The following CCDC43 variants were observed in gnomAD, a reference collection of about 807,000 sequenced individuals.
The protein encoded by CCDC43 is coiled-coil domain containing 43.
Under a neutral mutation model 33.3 loss-of-function variants are expected in CCDC43, and 20 were observed. The ratio of observed to expected loss-of-function variants is 0.60; its 90% CI spans 0.42 to 0.87. The LOEUF is 0.87. CCDC43 is among the 40% of genes least tolerant of loss of function. The pLI is 0.00. For synonymous variants in CCDC43, 104 were observed against 106.5 expected (o/e 0.98, Z 0.14); for missense variants, 248 against 269.9 (o/e 0.92, Z 0.57).
chr17:44,679,682 A>G (rs1363366386), intron 4 of CCDC43, among the ~76,000 whole-genome samples: 1 of 152,152 alleles, frequency 6.6e-6, no homozygotes, highest in East Asian at 1.9e-4. Context: ...TCATGAGGTC[A>G]GGAGATCGAG....
intron 3 of CCDC43, chr17:44,681,601 C>T (rs1018941380): frequency 3.2e-5 from 5 of 155,386 alleles, no homozygotes; most frequent in Non-Finnish European, 7.1e-5. Context: ...CCTCTGATCA[C>T]CCATTCATCT....
At chr17:44,685,067 T>G (rs1972214429) in intron 1 of CCDC43, among the ~76,000 whole-genome samples, 1 of 152,244 alleles carries the variant, frequency 6.6e-6, no homozygotes, top group South Asian at 2.1e-4. Context: ...ATTACAGGCC[T>G]GGGCCACCAC....
intron 1 of CCDC43, among the ~76,000 whole-genome samples, chr17:44,685,409 A>C (rs1387146281): frequency 6.6e-6 from 1 of 152,214 alleles, no homozygotes; most frequent in Non-Finnish European, 1.5e-5. Flanking sequence ...ATTTTAGAGA[A>C]GCATACATAT....
At chr17:44,680,912 A>T (rs2144688345) in intron 3 of CCDC43, among the ~76,000 whole-genome samples, 1 of 152,324 alleles carries the variant, frequency 6.6e-6, no homozygotes, top group African/African-American at 2.4e-5. Flanking sequence ...GATGACCTTT[A>T]AACAGTGGTT....
At chr17:44,683,195 T>C (rs1972187378) in intron 2 of CCDC43, among the ~76,000 whole-genome samples, 1 of 152,176 alleles carries the variant, frequency 6.6e-6, no homozygotes, top group African/African-American at 2.4e-5. Context: ...AGTGTTTAGC[T>C]GAATAAAGCC....
intron 1 of CCDC43, 136 bp downstream of exon 1, chr17:44,689,414 G>A (rs946879669): frequency 1.0e-5 from 13 of 1,305,554 alleles, no homozygotes; most frequent in African/African-American, 1.5e-5. Flanking sequence ...CCGCCGCCCA[G>A]ATATCAGAGG....
At chr17:44,689,452 G>A in intron 1 of CCDC43, 98 bp downstream of exon 1, 1 of 1,526,744 alleles carries the variant, frequency 6.5e-7, no homozygotes, top group Non-Finnish European at 8.9e-7. Flanking sequence ...TGAGACCACT[G>A]AGCCTCTGGG....
chr17:44,684,000 C>G, intron 1 of CCDC43, 41 bp from the exon 2 acceptor site: 1 of 1,335,010 alleles, frequency 7.5e-7, no homozygotes, highest in Non-Finnish European at 1.1e-6. Flanking sequence ...TGAGGGAGCC[C>G]TCAAAAACAA....
At chr17:44,682,224 T>C in intron 2 of CCDC43, 86 bp from the exon 3 acceptor site, 1 of 1,517,038 alleles carries the variant, frequency 6.6e-7, no homozygotes. Context: ...GCACTTGTAC[T>C]GAAGACATTG....
rs923605993 is a variant in CCDC43, at chr17:44,680,678, A to G, written c.429-35T>C. On this transcript the variant is annotated intron_variant, in intron 3 of 4. Coordinates refer to ENST00000315286, the MANE Select transcript of CCDC43 (RefSeq NM_144609.3). ...GTTAAGGAAAGTCAGATGGAAAACA[A>G]CATCCCAACCTAACATTAGAAAACA... The G allele has an allele frequency of 2.8e-5, 43 of 1,537,670 alleles. No individual in the cohort carries two copies. The African/African-American group carries it at 4.2e-4, about 15-fold the overall frequency.
intron 1 of CCDC43, 124 bp downstream of exon 1, chr17:44,689,426 G>A (rs1318240400): frequency 6.4e-6 from 9 of 1,402,618 alleles, no homozygotes; most frequent in Admixed American, 2.3e-5. Flanking sequence ...TATCAGAGGA[G>A]TATACCTCTC....
chr17:44,683,701 G>A (rs145830202), intron 2 of CCDC43, among the ~76,000 whole-genome samples, 171 bp downstream of exon 2: 129 of 152,222 alleles, frequency 8.5e-4, no homozygotes, highest in African/African-American at 2.8e-3. Context: ...AAAAGAAAAG[G>A]AAGCCAATGT....
rs1972144825 is a variant in CCDC43, at chr17:44,680,626, T to C, written c.446A>G (p.Asp149Gly). 2.5e-6 allele frequency: 4 copies of C among 1,609,066 alleles called. No individual in the cohort carries two copies. The highest frequency in any genetic ancestry group is 3.4e-6 in the Non-Finnish European group (4 of 1,175,838). ...TDEEDEADEK[D>G]DSGATTMNIG... Reference sequence around the variant, plus strand: ...GTTCATTGTGGTAGCACCTGAATCATCCTTCTCATCTGCTTCAGTAAGTGA... The same window carrying C: ...GTTCATTGTGGTAGCACCTGAATCACCCTTCTCATCTGCTTCAGTAAGTGA... The change falls in exon 4 of 5, where the codon GAT (aspartate) becomes GGT (glycine). Residue 149 changes from aspartate (D) to glycine (G), a missense_variant. Coordinates refer to ENST00000315286, the MANE Select transcript of CCDC43 (RefSeq NM_144609.3).
In CCDC43 at chr17:44,678,757, T is replaced by C; in HGVS notation, c.*99A>G. ...CCATGTAAACAATAGGGGAAATGCC[T>C]TGGGAAACTACTTTGCAATGCACTC... On this transcript the variant is annotated 3_prime_UTR_variant, in exon 5 of 5. Coordinates refer to ENST00000315286, the MANE Select transcript of CCDC43 (RefSeq NM_144609.3). 1 of 1,226,234 alleles carries C rather than the reference T, an allele frequency of 8.2e-7. No homozygotes were observed. The highest frequency in any genetic ancestry group is 1.1e-6 in the Non-Finnish European group (1 of 892,380). 76.0% of individuals were successfully genotyped at this position (1,226,234 alleles called of 1,614,324 possible).
At chr17:44,679,106 T>C in intron 4 of CCDC43, 63 bp from the exon 5 acceptor site, 1 of 1,318,846 alleles carries the variant, frequency 7.6e-7, no homozygotes, top group Admixed American at 2.0e-5. Flanking sequence ...CTGCCTTTCC[T>C]CATTCTACTT....
chr17:44,689,516 C>T, intron 1 of CCDC43, 34 bp downstream of exon 1: 2 of 1,613,304 alleles, frequency 1.2e-6, no homozygotes, highest in South Asian at 1.1e-5. Flanking sequence ...CAGATGCTGG[C>T]CAGAGGCTGA....
rs1972197661 is a variant in CCDC43, at chr17:44,683,925, A to G, written c.239T>C (p.Ile80Thr). The G allele has an allele frequency of 6.2e-7, 1 of 1,613,250 alleles. No individual in the cohort carries two copies. The highest frequency in any genetic ancestry group is 8.5e-7 in the Non-Finnish European group (1 of 1,179,318). ...CTGAGTTTCTGACCATCGTTCCACA[A>G]TCTCCTTGCAGATATTAAGGAGGGA... Reference protein sequence around the residue: ...EDSLLNICKEIVERWSETQNV... With the variant: ...EDSLLNICKETVERWSETQNV... Residue 80 changes from isoleucine (I) to threonine (T), a missense_variant, in exon 2 of 5, where the codon ATT (isoleucine) becomes ACT (threonine). Physicochemically the swap from Ile to Thr is moderately conservative, Grantham distance 89. Transcript: ENST00000315286.
chr17:44,677,807 C>T lies in CCDC43; in HGVS notation c.*1049G>A, dbSNP rs963785255. On this transcript the variant is annotated 3_prime_UTR_variant, in exon 5 of 5. Transcript: ENST00000315286. ...GCCAACCCCTGGTATAAAATATCTACTTTGTCTTGTCAGAGAAATTGCTGT... is the reference window on the plus strand; with the variant it reads ...GCCAACCCCTGGTATAAAATATCTATTTTGTCTTGTCAGAGAAATTGCTGT... 1 of 152,210 alleles carries T rather than the reference C, an allele frequency of 6.6e-6. No individual in the cohort carries two copies. The highest frequency in any genetic ancestry group is 2.4e-5 in the African/African-American group (1 of 41,452). The allele number at this position is 152,210 out of a possible 1,614,324, so 9.4% of individuals were successfully genotyped here. A position where few individuals can be genotyped will look rare whatever the true frequency, so the allele number is the denominator to read the frequency against.
chr17:44,688,588 C>T (rs1972276400), intron 1 of CCDC43, among the ~76,000 whole-genome samples: 1 of 152,212 alleles, frequency 6.6e-6, no homozygotes, highest in African/African-American at 2.4e-5. Flanking sequence ...GTGGCTCTCA[C>T]AGTAGCAATC....
Sources: gnomAD v4.1 joint callset for allele counts (sites outside exome capture counted in the v4.1 genomes callset) on GRCh38, gnomAD v4.1.1 for gene constraint, MANE v1.5 for transcripts, NCBI Gene and HGNC (gene_info 2026-07-23, HGNC 2026-07-21) for gene names.